Variants in TENM4 observed in about 807,000 individuals in gnomAD.
TENM4 encodes the protein teneurin-4.
A neutral mutation model predicts 243.3 loss-of-function variants in TENM4; 82 were observed. That is an observed-to-expected ratio of 0.34 (90% CI 0.28 to 0.40). The LOEUF is 0.40. TENM4 is among the 10% of genes least tolerant of loss of function. The pLI is 1.00. For synonymous variants in TENM4, 1,412 were observed against 1,456.3 expected (o/e 0.97, Z 0.69); for missense variants, 3,138 against 3,673.3 (o/e 0.85, Z 3.77).
intron 12 of TENM4, among the ~76,000 whole-genome samples, chr11:78,840,674 G>C (rs1858238010): frequency 6.6e-6 from 1 of 152,194 alleles, no homozygotes; most frequent in South Asian, 2.1e-4. Flanking sequence ...GCCCAGAGAA[G>C]TGTCAGGGAG....
Position 79,356,869 on chromosome 11 carries a change from A to C in TENM4, c.-320-59326T>G. On this transcript the variant is annotated intron_variant, in intron 1 of 33. Transcript: ENST00000278550. The stretch of plus-strand genomic sequence containing the variant: ...GTGCTTGCTCTCAGCAATCGTTTCC[A>C]CACTATATATCCATAATGAATATTA... Among the ~76,000 whole-genome samples the C allele has an allele frequency of 1.3e-5, 2 of 152,142 alleles. 1 individual carries two copies. Among genetic ancestry groups the C allele is most frequent in the South Asian group, 4.1e-4 (2 of 4,822 alleles).
Position 79,433,069 on chromosome 11 carries a change from A to G in TENM4, c.-321+7440T>C, listed in dbSNP as rs1345845811. On this transcript the variant is annotated intron_variant, in intron 1 of 33. Coordinates refer to ENST00000278550, the MANE Select transcript of TENM4 (RefSeq NM_001098816.3). ...TGTGGAAATAAAGATTATTCCCCAA[A>G]TCTAAAATGAAAGAATGGGCACATC... Among the ~76,000 whole-genome samples the G allele has an allele frequency of 3.3e-5, 5 of 152,146 alleles. No homozygotes were observed. The East Asian group carries it at 9.6e-4, about 29-fold the overall frequency.
At chr11:79,343,357 G>A (rs1019291731) in intron 1 of TENM4, among the ~76,000 whole-genome samples, 4 of 152,182 alleles carry the variant, frequency 2.6e-5, no homozygotes, top group Admixed American at 1.3e-4. Flanking sequence ...CTTGGCCTAC[G>A]GTTTCACAAA....
intron 6 of TENM4, among the ~76,000 whole-genome samples, chr11:79,013,223 A>G (rs375619648): frequency 1.8e-4 from 27 of 152,134 alleles, no homozygotes; most frequent in African/African-American, 6.3e-4. Flanking sequence ...CTTCACCAAC[A>G]CCAGCCACCA....
chr11:78,722,702 G>A lies in TENM4; in HGVS notation c.3766C>T (p.Pro1256Ser), dbSNP rs1195904662. 2 of 1,613,910 alleles carry A rather than the reference G, an allele frequency of 1.2e-6. No homozygotes were observed. The highest frequency in any genetic ancestry group is 4.5e-5 in the East Asian group (2 of 44,878). The change falls in exon 24 of 34, where the codon CCC becomes TCC. Residue 1256 changes from proline (P) to serine (S), a missense_variant. Physicochemically the swap from Pro to Ser is moderately conservative, Grantham distance 74. Transcript: ENST00000278550. ...GDFNYIRRIF[P>S]SGNVTNILEL... Reference sequence around the variant, plus strand: ...AGGATGTTGGTGACATTTCCAGAGGGGAAGATCCTTCTAATGTAGTTGAAA... The same window carrying A: ...AGGATGTTGGTGACATTTCCAGAGGAGAAGATCCTTCTAATGTAGTTGAAA...
At chr11:78,948,648 G>A (rs1857054852) in intron 6 of TENM4, among the ~76,000 whole-genome samples, 2 of 152,174 alleles carry the variant, frequency 1.3e-5, no homozygotes, top group African/African-American at 2.4e-5. Context: ...TGGGATTACA[G>A]GCGTGAGCCA....
At chr11:79,361,213 G>T (rs1031261501) in intron 1 of TENM4, among the ~76,000 whole-genome samples, 1 of 152,182 alleles carries the variant, frequency 6.6e-6, no homozygotes, top group African/African-American at 2.4e-5. Flanking sequence ...TGAACTCAGG[G>T]ATCATCCCCC....
intron 6 of TENM4, among the ~76,000 whole-genome samples, chr11:79,054,187 C>G (rs1392925839): frequency 2.0e-5 from 3 of 152,076 alleles, no homozygotes; most frequent in Admixed American, 6.6e-5. Context: ...TCCCAATGAC[C>G]ATTTACATAG....
intron 9 of TENM4, among the ~76,000 whole-genome samples, chr11:78,864,844 C>G (rs1460577467): frequency 6.6e-6 from 1 of 152,178 alleles, no homozygotes; most frequent in Non-Finnish European, 1.5e-5. Context: ...ATCAGAGAGT[C>G]CTTGCTTCAG....
chr11:78,932,798 G>A (rs556068855), intron 6 of TENM4, among the ~76,000 whole-genome samples: 1 of 152,252 alleles, frequency 6.6e-6, no homozygotes, highest in Admixed American at 6.5e-5. Flanking sequence ...TCCCTCGCAT[G>A]CGCAGTTCAA....
chr11:79,002,955 CT>C (rs1423776371), intron 6 of TENM4, among the ~76,000 whole-genome samples: 3 of 152,056 alleles, frequency 2.0e-5, no homozygotes, highest in Admixed American at 1.3e-4. Context: ...AAGAACCAAA[CT>C]GATCTGATAG....
intron 3 of TENM4, among the ~76,000 whole-genome samples, chr11:79,205,468 C>A (rs1378398301): frequency 6.6e-6 from 1 of 152,192 alleles, no homozygotes; most frequent in Non-Finnish European, 1.5e-5. Context: ...ATCTCCATAC[C>A]CGCATCCCTT....
At chr11:78,985,505 T>G (rs1174834218) in intron 6 of TENM4, among the ~76,000 whole-genome samples, 3 of 152,238 alleles carry the variant, frequency 2.0e-5, no homozygotes, top group Non-Finnish European at 4.4e-5. Flanking sequence ...CATTTTGATA[T>G]TCATTACTTT....
At position 79,326,443 on chromosome 11, in the gene TENM4, A is replaced by G. The variant is rs547859792; in HGVS notation, c.-320-28900T>C. On this transcript the variant is annotated intron_variant, in intron 1 of 33. Coordinates refer to ENST00000278550, the MANE Select transcript of TENM4 (RefSeq NM_001098816.3). ...ACTTCTCAAAGGCTTCCTTTTCTGC[A>G]AAGCAAGCATGGACTCCCCATTCCA... Among the ~76,000 whole-genome samples, 9 of 152,310 alleles carry G rather than the reference A, an allele frequency of 5.9e-5. No individual in the cohort carries two copies. In the East Asian group the frequency reaches 1.7e-3, roughly 29 times the overall value.
At chr11:78,888,848 C>T (rs996686688) in intron 9 of TENM4, among the ~76,000 whole-genome samples, 8 of 152,200 alleles carry the variant, frequency 5.3e-5, no homozygotes, top group African/African-American at 1.4e-4. Flanking sequence ...GCTGGCCCAA[C>T]CTACCTTAAG....
intron 4 of TENM4, among the ~76,000 whole-genome samples, chr11:79,118,537 A>G (rs1171692070): frequency 6.6e-6 from 1 of 152,090 alleles, no homozygotes; most frequent in Non-Finnish European, 1.5e-5. Context: ...CTCCATACCC[A>G]TTAGACAATA....
chr11:78,666,102 A>C (rs1446605891), intron 32 of TENM4, among the ~76,000 whole-genome samples: 1 of 152,098 alleles, frequency 6.6e-6, no homozygotes. Flanking sequence ...CATGTAGTCT[A>C]CCTGGATGCT....
chr11:78,688,262 A>G, intron 28 of TENM4, 36 bp from the exon 29 acceptor site: 1 of 1,590,056 alleles, frequency 6.3e-7, no homozygotes, highest in African/African-American at 1.3e-5. Flanking sequence ...TAGTAGAAAT[A>G]TAATGGTGCT....
intron 6 of TENM4, among the ~76,000 whole-genome samples, chr11:79,042,189 G>A (rs1403089386): frequency 6.6e-6 from 1 of 152,184 alleles, no homozygotes; most frequent in Non-Finnish European, 1.5e-5. Flanking sequence ...TAATATCCAA[G>A]TGCTTTAAGA....
Sources: gnomAD v4.1 joint callset for allele counts (sites outside exome capture counted in the v4.1 genomes callset) on GRCh38, gnomAD v4.1.1 for gene constraint, MANE v1.5 for transcripts, NCBI Gene and HGNC (gene_info 2026-07-23, HGNC 2026-07-21) for gene names.